The following C13orf46 variants were observed in gnomAD, a reference collection of about 807,000 sequenced individuals.
C13orf46 encodes chromosome 13 open reading frame 46, also known as uncharacterized protein C13orf46.
rs1171554855 is a variant in C13orf46 at position 113,955,221 on chromosome 13, C to T, written c.*1552G>A. 1.4e-4 allele frequency: 15 copies of T among 104,448 alleles called. No individual in the cohort carries two copies. Among genetic ancestry groups the T allele is most frequent in the East Asian group, 3.5e-4 (1 of 2,864 alleles). The allele number at this position is 104,448 out of a possible 1,614,324, so 6.5% of individuals were successfully genotyped here. A position where few individuals can be genotyped will look rare whatever the true frequency, so the allele number is the denominator to read the frequency against. ...CATCCCGTGGAGACGAGGAGCATCC[C>T]GTGGAGACGAGGAGCATCTGGCGGA... On this transcript the variant is annotated 3_prime_UTR_variant, in exon 7 of 7. Coordinates refer to ENST00000636427, the MANE Select transcript of C13orf46 (RefSeq NM_001365455.2).
chr13:113,930,352 CG>C, the C13orf46 span, among the ~76,000 whole-genome samples: 2 of 85,132 alleles, frequency 2.3e-5, no homozygotes, highest in Admixed American at 9.9e-5. Context: ...GGAGGAGCAC[CG>C]AGGTGGGGGC....
At chr13:113,929,728 C>T in the C13orf46 span, among the ~76,000 whole-genome samples, 1 of 152,206 alleles carries the variant, frequency 6.6e-6, no homozygotes, top group East Asian at 1.9e-4. Flanking sequence ...ACATTGGAGC[C>T]CCCCTCTGGA....
the C13orf46 span, among the ~76,000 whole-genome samples, chr13:113,934,182 G>A: frequency 2.0e-3 from 308 of 152,306 alleles, no homozygotes; most frequent in African/African-American, 7.1e-3. Context: ...GTTTCTCTCC[G>A]TTGCTGAGCA....
downstream of C13orf46, among the ~76,000 whole-genome samples, chr13:113,951,411 C>T (rs2052488149): frequency 6.6e-6 from 1 of 152,126 alleles, no homozygotes; most frequent in African/African-American, 2.4e-5. Flanking sequence ...TCGTGGACTG[C>T]GTGTGGATGG....
the C13orf46 span, among the ~76,000 whole-genome samples, chr13:113,944,492 C>G: frequency 2.0e-5 from 3 of 152,214 alleles, no homozygotes; most frequent in Non-Finnish European, 4.4e-5. Flanking sequence ...CCTTGCGGCC[C>G]TGTAGGTGTG....
At position 113,955,702 on chromosome 13, in the gene C13orf46, G is replaced by A. The variant is rs879217582; in HGVS notation, c.*1071C>T. On this transcript the variant is annotated 3_prime_UTR_variant, in exon 7 of 7. Transcript: ENST00000636427. ...GCAGAGACGAGGAGTAGTGTCTGGC[G>A]GAGAGGAGGAGTAGTGTCTGGCAGA... The A allele has an allele frequency of 2.1e-4, 16 of 77,650 alleles. No individual in the cohort carries two copies. The South Asian group carries it at 2.5e-3, about 12-fold the overall frequency. The allele number at this position is 77,650 out of a possible 1,614,324, so 4.8% of individuals were successfully genotyped here.
intron 1 of C13orf46, among the ~76,000 whole-genome samples, chr13:113,972,754 T>C (rs1249462658): frequency 6.6e-6 from 1 of 152,166 alleles, no homozygotes; most frequent in Non-Finnish European, 1.5e-5. Context: ...GGCCCAGAGC[T>C]CCTGGCAGGG....
rs2052655393 is a variant in C13orf46, at chr13:113,966,833, T to C, written c.504+508A>G. Among the ~76,000 whole-genome samples, 3 of 152,166 alleles carry C rather than the reference T, an allele frequency of 2.0e-5. No homozygotes were observed. In the South Asian group the frequency reaches 6.2e-4, roughly 32 times the overall value. ...ACCCCATGATGATGATGATAAGCTT[T>C]CCTGGGTGTGAGGCACTGCTCTGAG... On this transcript the variant is annotated intron_variant, in intron 5 of 6. Coordinates refer to ENST00000636427, the MANE Select transcript of C13orf46 (RefSeq NM_001365455.2).
chr13:113,938,166 G>GA, the C13orf46 span, among the ~76,000 whole-genome samples: 1 of 152,182 alleles, frequency 6.6e-6, no homozygotes. Flanking sequence ...GGCCTCAACT[G>GA]AACGCCTCTC....
rs2052521707 is a variant in C13orf46 at position 113,955,594 on chromosome 13, CG to C, written c.*1178del. ...TGGAGAGGAGGAGCATCTCGTGGAG[CG>C]GAGGAGCATCTGGCAGAGACGAGGA... is the stretch of plus-strand genomic sequence containing the variant. On this transcript the variant is annotated 3_prime_UTR_variant, in exon 7 of 7. Transcript: ENST00000636427. 3.6e-5 allele frequency: 2 copies of C among 56,062 alleles called. No individual in the cohort carries two copies. The highest frequency in any genetic ancestry group is 6.5e-5 in the African/African-American group (1 of 15,380). 3.5% of individuals were successfully genotyped at this position (56,062 alleles called of 1,614,324 possible). A position where few individuals can be genotyped will look rare whatever the true frequency, so the allele number is the denominator to read the frequency against.
chr13:113,968,944 C>T (rs1351226742), intron 2 of C13orf46, among the ~76,000 whole-genome samples, 184 bp from the exon 3 acceptor site: 2 of 152,246 alleles, frequency 1.3e-5, no homozygotes, highest in Non-Finnish European at 2.9e-5. Context: ...CCTGGCCCTC[C>T]TGGCTCCCTC....
intron 1 of C13orf46, among the ~76,000 whole-genome samples, chr13:113,972,046 C>T (rs1021664018): frequency 2.0e-5 from 3 of 152,156 alleles, no homozygotes; most frequent in African/African-American, 4.8e-5. Flanking sequence ...CTCCCTGCTG[C>T]GGCACCTCCC....
the C13orf46 span, among the ~76,000 whole-genome samples, chr13:113,937,502 T>C: frequency 6.6e-6 from 1 of 152,066 alleles, no homozygotes; most frequent in Non-Finnish European, 1.5e-5. Context: ...GATGAACATC[T>C]CAGTAGCGTT....
the C13orf46 span, among the ~76,000 whole-genome samples, chr13:113,931,900 C>T: frequency 6.6e-6 from 1 of 152,050 alleles, no homozygotes; most frequent in Non-Finnish European, 1.5e-5. Context: ...GAGCCATGAC[C>T]ACAATCGAGA....
At chr13:113,958,063 G>GA (rs2052556099) in intron 6 of C13orf46, among the ~76,000 whole-genome samples, 1 of 145,154 alleles carries the variant, frequency 6.9e-6, no homozygotes, top group Non-Finnish European at 1.5e-5. Context: ...GCACCGGGGG[G>GA]GTCTCCCCTG....
chr13:113,972,420 G>A (rs9671215), intron 1 of C13orf46, among the ~76,000 whole-genome samples: 46,209 of 152,078 alleles, frequency 0.3, 7,905 homozygotes, highest in East Asian at 0.45. Context: ...AGCAAACCCC[G>A]AGTCCTACCG....
chr13:113,946,175 G>A, the C13orf46 span, among the ~76,000 whole-genome samples: 354 of 152,284 alleles, frequency 2.3e-3, 1 homozygote, highest in African/African-American at 8.1e-3. Flanking sequence ...TTTGCGCCCC[G>A]CTGTGTCAAG....
At chr13:113,961,201 A>G (rs1389406656) in intron 6 of C13orf46, among the ~76,000 whole-genome samples, 5 of 152,232 alleles carry the variant, frequency 3.3e-5, no homozygotes, top group Non-Finnish European at 7.3e-5. Flanking sequence ...CTCTATGGGT[A>G]GCATCATCAA....
At chr13:113,965,746 GTGATGATGGTGATGGTGA>G (rs1392665071) in intron 5 of C13orf46, among the ~76,000 whole-genome samples, 1 of 145,420 alleles carries the variant, frequency 6.9e-6, no homozygotes, top group African/African-American at 2.6e-5. Flanking sequence ...GGTGATGATG[GTGATGATGGTGATGGTGA>G]TGATGGTGAT....
Sources: allele counts gnomAD v4.1 joint callset (sites outside exome capture counted in the v4.1 genomes callset), GRCh38; gene constraint gnomAD v4.1.1; transcripts MANE v1.5; gene names NCBI Gene and HGNC (gene_info 2026-07-23, HGNC 2026-07-21).